Variants in DPP10 observed in about 807,000 individuals in gnomAD.
DPP10 encodes the protein inactive dipeptidyl peptidase 10.
A neutral mutation model predicts 120.9 loss-of-function variants in DPP10; 33 were observed. The observed-to-expected ratio is 0.27, with a 90% CI of 0.21 to 0.37. The LOEUF (loss-of-function observed/expected upper bound fraction) is 0.37, where lower values mean the gene tolerates loss of function less well. DPP10 is among the 10% of genes least tolerant of loss of function. DPP10 has a pLI of 1.00. For missense variants in DPP10, 816 were observed against 942.8 expected (o/e 0.87, Z 1.76); for synonymous variants, 337 against 326.1 (o/e 1.03, Z -0.36).
intron 1 of DPP10, among the ~76,000 whole-genome samples, chr2:114,633,159 AATTACTTTGC>A (rs1695061274): frequency 6.6e-6 from 1 of 150,484 alleles, no homozygotes; most frequent in East Asian, 2.0e-4. Context: ...AATGGAAATC[AATTACTTTGC>A]ATTGATATTT....
chr2:114,893,611 G>A (rs1168183712), intron 1 of DPP10, among the ~76,000 whole-genome samples: 1 of 152,176 alleles, frequency 6.6e-6, no homozygotes, highest in African/African-American at 2.4e-5. Context: ...TGACAAGGCA[G>A]AAGAGGCTGA....
intron 1 of DPP10, among the ~76,000 whole-genome samples, chr2:115,189,277 G>A (rs990200917): frequency 1.3e-5 from 2 of 152,156 alleles, no homozygotes; most frequent in African/African-American, 2.4e-5. Flanking sequence ...TTTTTAAAGA[G>A]ATCAGGGGTA....
chr2:115,326,125 A>G (rs1015392395), intron 2 of DPP10, among the ~76,000 whole-genome samples: 13 of 152,152 alleles, frequency 8.5e-5, no homozygotes, highest in Admixed American at 5.2e-4. Context: ...TTTGTAAAAT[A>G]TTAGTTCATT....
rs573760768 is a variant in DPP10 at position 115,658,928 on chromosome 2, A to T, written c.442-30759A>T. Among the ~76,000 whole-genome samples the T allele has an allele frequency of 2.0e-5, 3 of 152,262 alleles. No homozygotes were observed. The South Asian group carries it at 6.2e-4, about 32-fold the overall frequency. On this transcript the variant is annotated intron_variant, in intron 5 of 25. Coordinates refer to ENST00000410059, the MANE Select transcript of DPP10 (RefSeq NM_020868.6). ...CAGAGTAAATTTTTTCAAGTTGTAT[A>T]GTTCTCTGGTTTGAAAGTGTCCCCC...
chr2:115,481,486 C>T (rs1311585949), intron 3 of DPP10, among the ~76,000 whole-genome samples: 1 of 152,090 alleles, frequency 6.6e-6, no homozygotes, highest in Non-Finnish European at 1.5e-5. Flanking sequence ...GACTTGGAAT[C>T]GTAATTCAGG....
At chr2:114,443,722 A>G (rs1405473343) in intron 1 of DPP10, among the ~76,000 whole-genome samples, 1 of 151,840 alleles carries the variant, frequency 6.6e-6, no homozygotes, top group East Asian at 1.9e-4. Context: ...AAACTAAAAC[A>G]AAAAACGTGA....
At chr2:114,668,321 A>T (rs899895202) in intron 1 of DPP10, among the ~76,000 whole-genome samples, 2 of 152,010 alleles carry the variant, frequency 1.3e-5, no homozygotes, top group African/African-American at 4.8e-5. Context: ...GAGCTGTGTT[A>T]TCCAAGAGAA....
intron 2 of DPP10, among the ~76,000 whole-genome samples, chr2:115,325,193 A>T (rs1171842655): frequency 6.6e-6 from 1 of 152,054 alleles, no homozygotes; most frequent in Non-Finnish European, 1.5e-5. Flanking sequence ...GGCTACCACA[A>T]CCCTTCAAGT....
chr2:115,650,187 C>G (rs926842555), intron 5 of DPP10, among the ~76,000 whole-genome samples: 3 of 152,052 alleles, frequency 2.0e-5, no homozygotes, highest in Admixed American at 6.6e-5. Context: ...CACAGAATTT[C>G]AATCGTCGAG....
At chr2:115,377,632 C>T (rs1316315362) in intron 3 of DPP10, among the ~76,000 whole-genome samples, 1 of 152,128 alleles carries the variant, frequency 6.6e-6, no homozygotes, top group Non-Finnish European at 1.5e-5. Flanking sequence ...TTGCCCATGC[C>T]TATGTCCTGA....
chr2:115,305,949 T>C (rs763088412), intron 1 of DPP10, among the ~76,000 whole-genome samples: 1 of 151,978 alleles, frequency 6.6e-6, no homozygotes, highest in Non-Finnish European at 1.5e-5. Context: ...AGTACAAGTA[T>C]ATTGAGGGAG....
At chr2:115,806,801 A>C (rs960235302) in intron 19 of DPP10, among the ~76,000 whole-genome samples, 1 of 152,090 alleles carries the variant, frequency 6.6e-6, no homozygotes, top group African/African-American at 2.4e-5. Flanking sequence ...CTTCTTTTTT[A>C]AAGATACACA....
chr2:115,114,148 C>T (rs1187806654), intron 1 of DPP10, among the ~76,000 whole-genome samples: 3 of 152,148 alleles, frequency 2.0e-5, no homozygotes, highest in Non-Finnish European at 4.4e-5. Flanking sequence ...CTAGTGTCAG[C>T]GAACTTTCTC....
At chr2:114,900,040 AT>A (rs1558860441) in intron 1 of DPP10, among the ~76,000 whole-genome samples, 1 of 152,190 alleles carries the variant, frequency 6.6e-6, no homozygotes, top group African/African-American at 2.4e-5. Flanking sequence ...CTGTATAACA[AT>A]TGTTTGAAGA....
At chr2:114,607,979 GCTTGTGAGCTGGTCATGAGC>G (rs1692952087) in intron 1 of DPP10, among the ~76,000 whole-genome samples, 3 of 152,158 alleles carry the variant, frequency 2.0e-5, no homozygotes, top group African/African-American at 7.2e-5. Flanking sequence ...TGACCCCCAA[GCTTGTGAGCTGGTCATGAGC>G]CTCAAGGTTT....
At chr2:115,379,562 C>G (rs1346620180) in intron 3 of DPP10, among the ~76,000 whole-genome samples, 1 of 151,938 alleles carries the variant, frequency 6.6e-6, no homozygotes, top group East Asian at 1.9e-4. Context: ...TTCAGTTCTG[C>G]TCTGATTTTA....
intron 1 of DPP10, among the ~76,000 whole-genome samples, chr2:114,851,538 T>C (rs781161610): frequency 3.9e-5 from 6 of 152,180 alleles, no homozygotes; most frequent in Non-Finnish European, 7.3e-5. Flanking sequence ...TGCTAGACTT[T>C]AGAAGTTTAA....
chr2:115,108,823 A>G (rs2049073681), intron 1 of DPP10, among the ~76,000 whole-genome samples: 1 of 152,164 alleles, frequency 6.6e-6, no homozygotes, highest in South Asian at 2.1e-4. Flanking sequence ...TTGCGGCATG[A>G]TCAGTGAAAG....
At chr2:115,537,319 A>G (rs945735308) in intron 5 of DPP10, among the ~76,000 whole-genome samples, 1 of 151,924 alleles carries the variant, frequency 6.6e-6, no homozygotes, top group African/African-American at 2.4e-5. Flanking sequence ...CTATTTCCTT[A>G]TGGTGTGTTG....
Sources: gnomAD v4.1 joint callset for allele counts (sites outside exome capture counted in the v4.1 genomes callset) on GRCh38, gnomAD v4.1.1 for gene constraint, MANE v1.5 for transcripts, NCBI Gene and HGNC (gene_info 2026-07-23, HGNC 2026-07-21) for gene names.